Variants in TRIML1 observed in about 807,000 individuals in gnomAD.
The protein encoded by TRIML1 is tripartite motif family like 1, also known as probable E3 ubiquitin-protein ligase TRIML1.
Under a neutral mutation model 32.3 loss-of-function variants are expected in TRIML1, and 34 were observed. The ratio of observed to expected loss-of-function variants is 1.05; its 90% confidence interval spans 0.80 to 1.40. The LOEUF (loss-of-function observed/expected upper bound fraction) is 1.40, where lower values mean the gene tolerates loss of function less well. Ranked by LOEUF, TRIML1 falls within the 40% of genes most tolerant of loss-of-function variation. The probability of loss-of-function intolerance (pLI) is 0.00; values close to 1 mark genes in which losing one functional copy is unlikely to be tolerated. For synonymous variants in TRIML1, 244 were observed against 226.6 expected (o/e 1.08, Z -0.69); for missense variants, 595 against 574.9 (o/e 1.03, Z -0.36).
In TRIML1 at chr4:188,139,844, G is replaced by T; in HGVS notation, c.286G>T (p.Gly96Trp). Residue 96 changes from glycine to tryptophan, a missense_variant, in exon 1 of 6, where the codon GGG becomes TGG. Physicochemically the swap from Gly to Trp is radical, Grantham distance 184. Transcript: ENST00000332517. ...LQSEDEQGSY[G>W]RMPTTAKALS... ...GAGCGAGGATGAGCAGGGCAGCTACGGGAGGATGCCCACCACTGCCAAGGC... is the reference window on the plus strand; with the variant it reads ...GAGCGAGGATGAGCAGGGCAGCTACTGGAGGATGCCCACCACTGCCAAGGC... 1 of 1,613,848 alleles carries T rather than the reference G, an allele frequency of 6.2e-7. No individual in the cohort carries two copies. The highest frequency in any genetic ancestry group is 8.5e-7 in the Non-Finnish European group (1 of 1,180,042).
intron 2 of TRIML1, among the ~76,000 whole-genome samples, chr4:188,141,174 T>C (rs950147322): frequency 6.7e-6 from 1 of 148,556 alleles, no homozygotes; most frequent in African/African-American, 2.5e-5. Context: ...TGTTTTTTTT[T>C]TTTTTTTTTT....
At chr4:188,144,463 C>A (rs1053508391) in intron 5 of TRIML1, among the ~76,000 whole-genome samples, 1 of 147,482 alleles carries the variant, frequency 6.8e-6, no homozygotes, top group African/African-American at 2.5e-5. Flanking sequence ...CCCGGGTTCA[C>A]GCCATTCTCC....
chr4:188,149,943 C>A (rs1163580436), downstream of TRIML1, among the ~76,000 whole-genome samples: 2 of 151,942 alleles, frequency 1.3e-5, no homozygotes, highest in Non-Finnish European at 2.9e-5. Context: ...GCTGGGACTA[C>A]AGGTGCTCGC....
At chr4:188,149,843 G>A (rs1028163313), downstream of TRIML1, among the ~76,000 whole-genome samples, 2 of 151,886 alleles carry the variant, frequency 1.3e-5, no homozygotes, top group South Asian at 4.2e-4. Context: ...TGGCTCTCTC[G>A]CCAGGCTGGA....
intron 5 of TRIML1, 91 bp downstream of exon 5, chr4:188,144,224 G>C: frequency 8.7e-7 from 1 of 1,151,344 alleles, no homozygotes; most frequent in Non-Finnish European, 1.2e-6. Flanking sequence ...GATCTGACAC[G>C]AGGCTCCTGG....
At chr4:188,148,468 T>C (rs1433986410), downstream of TRIML1, among the ~76,000 whole-genome samples, 2 of 149,928 alleles carry the variant, frequency 1.3e-5, no homozygotes, top group Admixed American at 6.7e-5. Flanking sequence ...CACTCCACCC[T>C]GGGCAACAAG....
downstream of TRIML1, among the ~76,000 whole-genome samples, chr4:188,148,203 G>A (rs546688669): frequency 4.6e-5 from 7 of 152,040 alleles, no homozygotes; most frequent in South Asian, 2.1e-4. Flanking sequence ...ATCTCAAAAC[G>A]TCAGGGTTGG....
At chr4:188,137,461 C>T (rs1477656071), upstream of TRIML1, among the ~76,000 whole-genome samples, 2 of 140,838 alleles carry the variant, frequency 1.4e-5, no homozygotes, top group Non-Finnish European at 3.0e-5. Flanking sequence ...CAACACCACA[C>T]CCAGCTATTT....
upstream of TRIML1, among the ~76,000 whole-genome samples, chr4:188,138,988 G>A (rs1275104788): frequency 6.6e-6 from 1 of 152,046 alleles, no homozygotes; most frequent in East Asian, 1.9e-4. Flanking sequence ...AGGAACAAAA[G>A]CTTAGGCTTT....
intron 2 of TRIML1, among the ~76,000 whole-genome samples, chr4:188,141,231 G>A (rs994709715): frequency 2.1e-5 from 3 of 144,620 alleles, no homozygotes; most frequent in Non-Finnish European, 4.5e-5. Context: ...GCAGTGGCGC[G>A]ATCCCGGCTC....
At chr4:188,143,886 A>G in intron 4 of TRIML1, 26 bp downstream of exon 4, 1 of 1,614,146 alleles carries the variant, frequency 6.2e-7, no homozygotes, top group East Asian at 2.2e-5. Flanking sequence ...GTGTTCAGTT[A>G]TGCAAGCTGC....
In TRIML1 at chr4:188,140,784, C is replaced by A. The variant is rs751891776; in HGVS notation, c.504+161C>A. On this transcript the variant is annotated intron_variant, in intron 2 of 5. Transcript: ENST00000332517. The stretch of plus-strand genomic sequence containing the variant: ...TGGGCTGCCTTCTTCTGAGCGTCCT[C>A]GTGGGAGTCTCAAGGCTCAGCTGCA... The A allele has an allele frequency of 2.4e-5, 14 of 586,102 alleles. No individual in the cohort carries two copies. In the East Asian group the frequency reaches 4.1e-4, roughly 17 times the overall value. 36.3% of individuals were successfully genotyped at this position (586,102 alleles called of 1,614,324 possible). A position where few individuals can be genotyped will look rare whatever the true frequency, so the allele number is the denominator to read the frequency against.
In TRIML1 at chr4:188,147,545, C is replaced by T. The variant is rs1003262888; in HGVS notation, c.*173C>T. 6.7e-6 allele frequency: 3 copies of T among 445,758 alleles called. No individual in the cohort carries two copies. Among genetic ancestry groups the T allele is most frequent in the Non-Finnish European group, 1.1e-5 (3 of 264,280 alleles). 27.6% of individuals were successfully genotyped at this position (445,758 alleles called of 1,614,324 possible). The stretch of plus-strand genomic sequence containing the variant: ...GATCCCATTATGAACAGCCACATTA[C>T]ACAATCAACTTCAACCCCAATAGAA... On this transcript the variant is annotated 3_prime_UTR_variant, in exon 6 of 6. Coordinates refer to ENST00000332517, the MANE Select transcript of TRIML1 (RefSeq NM_178556.5).
At chr4:188,150,673 C>A (rs1026641810), downstream of TRIML1, among the ~76,000 whole-genome samples, 12 of 151,938 alleles carry the variant, frequency 7.9e-5, no homozygotes, top group Non-Finnish European at 1.6e-4. Flanking sequence ...GTGGTAGATA[C>A]TGACAAAGAG....
At chr4:188,141,083 G>A (rs1435155407) in intron 2 of TRIML1, among the ~76,000 whole-genome samples, 2 of 151,430 alleles carry the variant, frequency 1.3e-5, no homozygotes, top group Non-Finnish European at 2.9e-5. Context: ...GAGCTCTCCA[G>A]CAGTCAAAGC....
downstream of TRIML1, among the ~76,000 whole-genome samples, chr4:188,148,492 C>T (rs181828150): frequency 5.9e-3 from 888 of 151,414 alleles, 18 homozygotes; most frequent in Non-Finnish European, 6.4e-3. Context: ...GAAACTCCAT[C>T]TCAAAAAAAA....
At chr4:188,141,041 A>G (rs750537561) in intron 2 of TRIML1, among the ~76,000 whole-genome samples, 3 of 152,188 alleles carry the variant, frequency 2.0e-5, no homozygotes, top group Admixed American at 2.0e-4. Context: ...GATACCTGAC[A>G]AGTCCTCAAG....
intron 5 of TRIML1, among the ~76,000 whole-genome samples, chr4:188,144,452 T>C (rs1227918467): frequency 6.2e-5 from 9 of 145,400 alleles, no homozygotes; most frequent in Middle Eastern, 3.6e-3. Flanking sequence ...AAGCTCCGCT[T>C]CCCGGGTTCA....
In TRIML1 at chr4:188,147,237, G is replaced by T; in HGVS notation, c.1272G>T (p.Thr424=). ...GACATATAGCATTCTACAACGGGAC[G>T]GATGAATCCCTCATCTACAGCTTCC... The part of the protein sequence containing the change: ...ESGHIAFYNG[T]DESLIYSFPQ... The change falls in exon 6 of 6, where the codon ACG becomes ACT. Residue 424 remains threonine, a synonymous_variant. Coordinates refer to ENST00000332517, the MANE Select transcript of TRIML1 (RefSeq NM_178556.5). 6.2e-7 allele frequency: 1 copy of T among 1,608,882 alleles called. No homozygotes were observed. Among genetic ancestry groups the T allele is most frequent in the East Asian group, 2.2e-5 (1 of 44,760 alleles).
Sources: allele counts gnomAD v4.1 joint callset (sites outside exome capture counted in the v4.1 genomes callset), GRCh38; gene constraint gnomAD v4.1.1; transcripts MANE v1.5; gene names NCBI Gene and HGNC (gene_info 2026-07-23, HGNC 2026-07-21).